The following SLIT2 variants were observed in gnomAD, a reference collection of about 807,000 sequenced individuals.
SLIT2 encodes slit guidance ligand 2.
Under a neutral mutation model 185.7 loss-of-function variants are expected in SLIT2, and 41 were observed. The ratio of observed to expected loss-of-function variants is 0.22; its 90% confidence interval spans 0.17 to 0.29. The LOEUF (loss-of-function observed/expected upper bound fraction) is 0.29. SLIT2 is among the 10% of genes least tolerant of loss of function. The pLI, the probability that SLIT2 is intolerant of heterozygous loss-of-function variation, is 1.00. For synonymous variants in SLIT2, 693 were observed against 680.2 expected (o/e 1.02, Z -0.29); for missense variants, 1,571 against 1,909.0 (o/e 0.82, Z 3.30).
intron 4 of SLIT2, among the ~76,000 whole-genome samples, chr4:20,404,530 C>T (rs1726613942): frequency 6.6e-6 from 1 of 151,984 alleles, no homozygotes; most frequent in Non-Finnish European, 1.5e-5. Context: ...CACATAGGAA[C>T]TGCTCAGTGG....
chr4:20,474,267 T>TA (rs1715869262), intron 5 of SLIT2, among the ~76,000 whole-genome samples: 1 of 151,910 alleles, frequency 6.6e-6, no homozygotes. Context: ...TTCATATATA[T>TA]AAAAAAATTA....
intron 4 of SLIT2, among the ~76,000 whole-genome samples, chr4:20,312,771 CAAAAAAAAAAAAA>C (rs34372893): frequency 3.9e-5 from 4 of 102,150 alleles, no homozygotes; most frequent in African/African-American, 1.6e-4. Context: ...GACTTTGTCT[CAAAAAAAAAAAAA>C]AAAAAAAAAG....
intron 30 of SLIT2, among the ~76,000 whole-genome samples, chr4:20,591,086 T>A (rs1021099720): frequency 6.6e-6 from 1 of 152,218 alleles, no homozygotes; most frequent in Non-Finnish European, 1.5e-5. Context: ...ATTTATTGAG[T>A]GCCTGCCATG....
At chr4:20,264,333 G>C (rs1712802197) in intron 3 of SLIT2, among the ~76,000 whole-genome samples, 1 of 151,698 alleles carries the variant, frequency 6.6e-6, no homozygotes, top group Admixed American at 6.6e-5. Flanking sequence ...AGAAATAGGA[G>C]GTTAGAAATG....
chr4:20,479,651 C>G (rs937204026), intron 5 of SLIT2, among the ~76,000 whole-genome samples: 9 of 150,976 alleles, frequency 6.0e-5, no homozygotes, highest in Admixed American at 5.9e-4. Flanking sequence ...GAGTGTGGTA[C>G]AGATACAATA....
intron 4 of SLIT2, among the ~76,000 whole-genome samples, chr4:20,439,761 A>G (rs1421336448): frequency 6.6e-6 from 1 of 152,162 alleles, no homozygotes; most frequent in Admixed American, 6.5e-5. Flanking sequence ...CTCACAATCT[A>G]CTAATATCTG....
At chr4:20,341,082 G>T (rs1028566184) in intron 4 of SLIT2, among the ~76,000 whole-genome samples, 1 of 152,198 alleles carries the variant, frequency 6.6e-6, no homozygotes, top group Non-Finnish European at 1.5e-5. Flanking sequence ...TAAAAAGACA[G>T]CCAGTGTAGG....
chr4:20,486,572 G>A (rs1717262943), intron 7 of SLIT2, among the ~76,000 whole-genome samples: 1 of 152,112 alleles, frequency 6.6e-6, no homozygotes, highest in African/African-American at 2.4e-5. Flanking sequence ...TTGGCTGTCA[G>A]AAATGATAAA....
At chr4:20,332,230 C>T (rs1720122212) in intron 4 of SLIT2, among the ~76,000 whole-genome samples, 1 of 152,042 alleles carries the variant, frequency 6.6e-6, no homozygotes, top group Non-Finnish European at 1.5e-5. Context: ...ACACTTTTGC[C>T]TAATTGCCCT....
At chr4:20,300,415 C>G (rs544171076) in intron 4 of SLIT2, among the ~76,000 whole-genome samples, 1 of 152,070 alleles carries the variant, frequency 6.6e-6, no homozygotes, top group Non-Finnish European at 1.5e-5. Context: ...TGACAAGGAA[C>G]ATGGAATTAT....
At chr4:20,296,595 G>C (rs1376579633) in intron 4 of SLIT2, among the ~76,000 whole-genome samples, 1 of 152,138 alleles carries the variant, frequency 6.6e-6, no homozygotes, top group Non-Finnish European at 1.5e-5. Flanking sequence ...TACTACATAA[G>C]CCTCAGGAAG....
In SLIT2 at chr4:20,525,171, A is replaced by G; in HGVS notation, c.1461A>G (p.Pro487=). 2 of 1,609,034 alleles carry G rather than the reference A, an allele frequency of 1.2e-6. No homozygotes were observed. The highest frequency in any genetic ancestry group is 1.7e-6 in the Non-Finnish European group (2 of 1,175,636). The change falls in exon 15 of 37, where the codon CCA becomes CCG. Residue 487 remains proline (P), a splice_region_variant and synonymous_variant. Transcript: ENST00000504154. ...RCSAKEQYFI[P]GTEDYRSKLS... is the part of the protein sequence containing the mutation. ...TAGCTAAAGAACAGTATTTCATTCC[A>G]GGTAGGTTTTGCTCGGTAGTAGGAC... is the stretch of plus-strand genomic sequence containing the variant.
intron 4 of SLIT2, among the ~76,000 whole-genome samples, chr4:20,277,629 T>TG (rs1714295628): frequency 1.3e-5 from 2 of 151,276 alleles, no homozygotes; most frequent in East Asian, 3.9e-4. Context: ...AGAATCTGCC[T>TG]CAATGTAGGT....
chr4:20,605,015 T>C (rs1031125638), intron 33 of SLIT2, among the ~76,000 whole-genome samples: 2 of 151,926 alleles, frequency 1.3e-5, no homozygotes, highest in African/African-American at 4.8e-5. Context: ...TTTGTTTTTT[T>C]ACTAGAGACG....
chr4:20,453,709 A>C (rs543158063), intron 4 of SLIT2, among the ~76,000 whole-genome samples: 13 of 152,328 alleles, frequency 8.5e-5, no homozygotes, highest in Middle Eastern at 6.8e-3. Flanking sequence ...AGTTATCCCC[A>C]AAGTAGAGGG....
Position 20,488,964 on chromosome 4 carries a change from C to G in SLIT2, c.757C>G (p.Arg253Gly). 1 of 1,611,148 alleles carries G rather than the reference C, an allele frequency of 6.2e-7. No homozygotes were observed. Among genetic ancestry groups the G allele is most frequent in the Non-Finnish European group, 8.5e-7 (1 of 1,177,818 alleles). The change falls in exon 8 of 37, where the codon CGA (arginine) becomes GGA (glycine). Residue 253 changes from arginine (R) to glycine (G), a missense_variant. By Grantham distance (125) the Arg-to-Gly change is moderately radical (BLOSUM62 -2). This residue lies in a region of SLIT2 where 1,202 missense variants were observed against 1,416.4 expected (regional missense o/e 0.85). Coordinates refer to ENST00000504154, the MANE Select transcript of SLIT2 (RefSeq NM_004787.4). Reference protein sequence around the residue: ...RGHNVAEVQKREFVCSGHQSF... With the variant: ...RGHNVAEVQKGEFVCSGHQSF... ...CCATAATGTAGCCGAGGTTCAAAAA[C>G]GAGAATTTGTCTGCAGTGGTAAGGG...
At chr4:20,293,655 T>C (rs555804492) in intron 4 of SLIT2, among the ~76,000 whole-genome samples, 40 of 152,342 alleles carry the variant, frequency 2.6e-4, no homozygotes, top group Non-Finnish European at 4.4e-4. Context: ...TCTTCTACTA[T>C]TTGAAGAACT....
At chr4:20,500,093 AC>A (rs1366765222) in intron 9 of SLIT2, among the ~76,000 whole-genome samples, 4 of 152,186 alleles carry the variant, frequency 2.6e-5, no homozygotes, top group Non-Finnish European at 5.9e-5. Context: ...GGCAAATGAT[AC>A]CATTTTTTAA....
chr4:20,542,515 C>A lies in SLIT2; in HGVS notation c.2165C>A (p.Ser722Tyr), dbSNP rs763417377. 6.2e-7 allele frequency: 1 copy of A among 1,613,608 alleles called. No individual in the cohort carries two copies. Among genetic ancestry groups the A allele is most frequent in the Non-Finnish European group, 8.5e-7 (1 of 1,179,690 alleles). The change falls in exon 21 of 37, where the codon TCC becomes TAC. Residue 722 changes from serine to tyrosine, a missense_variant. Ser to Tyr is a moderately radical substitution (Grantham distance 144). Coordinates refer to ENST00000504154, the MANE Select transcript of SLIT2 (RefSeq NM_004787.4). ...TTAGGAAATGATGACAATAGTTGCT[C>A]CCCACTTTCTCGCTGTCCTACTGAA... ...CDDGNDDNSC[S>Y]PLSRCPTECT...
Sources: allele counts gnomAD v4.1 joint callset (sites outside exome capture counted in the v4.1 genomes callset), GRCh38; gene constraint gnomAD v4.1.1; regional missense constraint gnomAD v4.1.1; transcripts MANE v1.5; gene names NCBI Gene and HGNC (gene_info 2026-07-23, HGNC 2026-07-21).